The following CASR variants were observed in gnomAD, a reference collection of about 807,000 sequenced individuals.
CASR encodes calcium sensing receptor.
A neutral mutation model predicts 69.1 loss-of-function variants in CASR; 23 were observed. That is an observed-to-expected ratio of 0.33 (90% CI 0.24 to 0.47). CASR has a LOEUF of 0.47. Among genes scored for constraint, CASR ranks in the 20% least tolerant of loss-of-function variants. CASR has a pLI of 1.00. For missense variants in CASR, 924 were observed against 1,356.1 expected (o/e 0.68, Z 5.00); for synonymous variants, 541 against 544.7 (o/e 0.99, Z 0.10).
Position 122,257,205 on chromosome 3 carries a change from G to A in CASR, c.310G>A (p.Val104Ile), listed in dbSNP as rs2074564250. ...GYRIFDTCNT[V>I]SKALEATLSF... The stretch of plus-strand genomic sequence containing the variant: ...CAGGATATTTGACACTTGCAACACC[G>A]TTTCTAAGGCCTTGGAAGCCACCCT... The change falls in exon 3 of 7, where the codon GTT becomes ATT. Residue 104 changes from valine (V) to isoleucine (I), a missense_variant. Val to Ile is a conservative substitution (Grantham distance 29, BLOSUM62 3). Coordinates refer to ENST00000639785, the MANE Select transcript of CASR (RefSeq NM_000388.4). 5 of 1,614,148 alleles carry A rather than the reference G, an allele frequency of 3.1e-6. No homozygotes were observed. The South Asian group carries it at 3.3e-5, about 11-fold the overall frequency.
rs1464591113 is a variant in CASR at position 122,262,024 on chromosome 3, T to G, written c.989T>G (p.Phe330Cys). ...FALKAGQIPG[F>C]REFLKKVHPR... is the part of the protein sequence containing the mutation. Reference sequence around the variant, plus strand: ...CTGAAGGCTGGGCAGATCCCAGGCTTCCGGGAATTCCTGAAGAAGGTCCAT... The same window carrying G: ...CTGAAGGCTGGGCAGATCCCAGGCTGCCGGGAATTCCTGAAGAAGGTCCAT... Residue 330 changes from phenylalanine to cysteine, a missense_variant, in exon 4 of 7, where the codon TTC becomes TGC. This residue lies in a region of CASR where 310 missense variants were observed against 395.7 expected (regional missense o/e 0.78). Coordinates refer to ENST00000639785, the MANE Select transcript of CASR (RefSeq NM_000388.4). The G allele has an allele frequency of 6.2e-7, 1 of 1,614,038 alleles. No individual in the cohort carries two copies. Among genetic ancestry groups the G allele is most frequent in the African/African-American group, 1.3e-5 (1 of 74,906 alleles).
intron 1 of CASR, among the ~76,000 whole-genome samples, chr3:122,214,655 C>T (rs1026181943): frequency 5.9e-5 from 9 of 152,178 alleles, no homozygotes; most frequent in Non-Finnish European, 1.2e-4. Flanking sequence ...TCATTTTGTA[C>T]ATAAACTGTA....
At chr3:122,282,816 C>A (rs1022380220) in intron 6 of CASR, among the ~76,000 whole-genome samples, 1 of 152,050 alleles carries the variant, frequency 6.6e-6, no homozygotes, top group Non-Finnish European at 1.5e-5. Context: ...TTATCCTCAC[C>A]CCAGTGATGG....
intron 2 of CASR, among the ~76,000 whole-genome samples, chr3:122,254,723 A>G (rs1048151520): frequency 1.3e-5 from 2 of 152,210 alleles, no homozygotes; most frequent in Non-Finnish European, 2.9e-5. Flanking sequence ...AAACCTGAGT[A>G]GTAAAATCCC....
At chr3:122,255,036 A>C (rs1270387835) in intron 2 of CASR, among the ~76,000 whole-genome samples, 5 of 150,246 alleles carry the variant, frequency 3.3e-5, no homozygotes, top group African/African-American at 9.8e-5. Flanking sequence ...GAAGAGAGCT[A>C]ATATGTCTCA....
chr3:122,262,048 A>C lies in CASR; in HGVS notation c.1013A>C (p.His338Pro). The C allele has an allele frequency of 6.2e-7, 1 of 1,614,198 alleles. No homozygotes were observed. Among genetic ancestry groups the C allele is most frequent in the Non-Finnish European group, 8.5e-7 (1 of 1,180,036 alleles). The change falls in exon 4 of 7, where the codon CAT becomes CCT. Residue 338 changes from histidine (H) to proline (P), a missense_variant. By Grantham distance (77) the His-to-Pro change is moderately conservative (BLOSUM62 -2). Around this residue, in one of 8 missense-constraint regions of CASR, gnomAD observed 310 missense variants for 395.7 expected, o/e 0.78. Coordinates refer to ENST00000639785, the MANE Select transcript of CASR (RefSeq NM_000388.4). ...PGFREFLKKV[H>P]PRKSVHNGFA... ...TTCCGGGAATTCCTGAAGAAGGTCCATCCCAGGAAGTCTGTCCACAATGGT... is the reference window on the plus strand; with the variant it reads ...TTCCGGGAATTCCTGAAGAAGGTCCCTCCCAGGAAGTCTGTCCACAATGGT...
At chr3:122,227,658 A>C (rs1280308874) in intron 1 of CASR, among the ~76,000 whole-genome samples, 2 of 152,304 alleles carry the variant, frequency 1.3e-5, no homozygotes, top group East Asian at 3.9e-4. Context: ...CTCCTCAAGC[A>C]CGGCCACAGT....
intron 1 of CASR, among the ~76,000 whole-genome samples, chr3:122,191,068 C>T (rs1239296090): frequency 6.6e-6 from 1 of 152,186 alleles, no homozygotes; most frequent in Non-Finnish European, 1.5e-5. Context: ...AAAATGAACA[C>T]ACATAGCTTA....
chr3:122,219,666 T>G (rs2074151830), intron 1 of CASR, among the ~76,000 whole-genome samples: 1 of 152,222 alleles, frequency 6.6e-6, no homozygotes, highest in African/African-American at 2.4e-5. Context: ...CACTGGAGGT[T>G]AAAGTGGCAA....
At chr3:122,231,758 C>T (rs993506940) in intron 1 of CASR, among the ~76,000 whole-genome samples, 1 of 147,208 alleles carries the variant, frequency 6.8e-6, no homozygotes, top group African/African-American at 2.5e-5. Flanking sequence ...CTCCCACTCA[C>T]AAAAAAAAAA....
At chr3:122,244,654 C>A (rs1364061632) in intron 1 of CASR, among the ~76,000 whole-genome samples, 1 of 152,028 alleles carries the variant, frequency 6.6e-6, no homozygotes, top group Non-Finnish European at 1.5e-5. Flanking sequence ...AGTTCTGGTT[C>A]TGTTTTTTGA....
At chr3:122,270,908 T>C (rs1415270950) in intron 4 of CASR, among the ~76,000 whole-genome samples, 1 of 152,230 alleles carries the variant, frequency 6.6e-6, no homozygotes, top group African/African-American at 2.4e-5. Flanking sequence ...TGCTTTATAA[T>C]CCAGAATATG....
intron 5 of CASR, among the ~76,000 whole-genome samples, chr3:122,280,957 T>C (rs1396231059): frequency 6.6e-6 from 1 of 152,256 alleles, no homozygotes; most frequent in East Asian, 1.9e-4. Flanking sequence ...TTCATTCTTA[T>C]GATACATTTC....
At position 122,220,269 on chromosome 3, in the gene CASR, A is replaced by G. The variant is rs2074157628; in HGVS notation, c.-242-33679A>G. On this transcript the variant is annotated intron_variant, in intron 1 of 6. Transcript: ENST00000639785. ...AAACTTGTTTGTGTCTGACCACTTC[A>G]TCCTGCTCTTCCTCCAGTCTCAATC... Among the ~76,000 whole-genome samples, 3 of 152,258 alleles carry G rather than the reference A, an allele frequency of 2.0e-5. No individual in the cohort carries two copies. The South Asian group carries it at 6.2e-4, about 32-fold the overall frequency.
chr3:122,220,254 G>A (rs1197538640), intron 1 of CASR, among the ~76,000 whole-genome samples: 2 of 152,226 alleles, frequency 1.3e-5, no homozygotes, highest in African/African-American at 4.8e-5. Flanking sequence ...AAACTTGTTT[G>A]TGTCTGACCA....
At chr3:122,199,829 G>A (rs1331954624) in intron 1 of CASR, among the ~76,000 whole-genome samples, 3 of 91,528 alleles carry the variant, frequency 3.3e-5, no homozygotes, top group South Asian at 2.9e-4. Context: ...GGACTATACC[G>A]TGACTATAAC....
Position 122,290,870 on chromosome 3 carries a change from C to A in CASR, c.*5679C>A. On this transcript the variant is annotated 3_prime_UTR_variant, in exon 7 of 7. Transcript: ENST00000639785. ...CATTAGGTATATCTCCTAATGCTAT[C>A]CCTCCCCCCTCCCCCCACCCCACAA... 1 of 104,504 alleles carries A rather than the reference C, an allele frequency of 9.6e-6. No homozygotes were observed. 6.5% of individuals were successfully genotyped at this position (104,504 alleles called of 1,614,324 possible).
Position 122,210,114 on chromosome 3 carries a change from A to T in CASR, c.-243+26302A>T, listed in dbSNP as rs1216691639. 5.9e-5 allele frequency among the ~76,000 whole-genome samples: 9 copies of T among 152,366 alleles called. No individual in the cohort carries two copies. In the East Asian group the frequency reaches 1.7e-3, roughly 29 times the overall value. On this transcript the variant is annotated intron_variant, in intron 1 of 6. Coordinates refer to ENST00000639785, the MANE Select transcript of CASR (RefSeq NM_000388.4). ...AAAAGAATAAGAGCTATTTATGGCA[A>T]ACCCACAGCCAATATCATACTGAAT...
In CASR at chr3:122,252,328, AAGAG is replaced by A. The variant is rs1309523708; in HGVS notation, c.-242-1614_-242-1611del. ...AAAGAGAAAAAGGAAGAGAGAAAGA[AAGAG>A]AGAGAAAGAAAGAAGAAAGAAAGAA... On this transcript the variant is annotated intron_variant, in intron 1 of 6. Coordinates refer to ENST00000639785, the MANE Select transcript of CASR (RefSeq NM_000388.4). Among the ~76,000 whole-genome samples, 9 of 128,646 alleles carry A rather than the reference AAGAG, an allele frequency of 7.0e-5. No individual in the cohort carries two copies. The South Asian group carries it at 1.1e-3, about 15-fold the overall frequency. 84.4% of individuals were successfully genotyped at this position (128,646 alleles called of 152,430 possible).
Sources: gnomAD v4.1 joint callset for allele counts (sites outside exome capture counted in the v4.1 genomes callset) on GRCh38, gnomAD v4.1.1 for gene constraint, gnomAD v4.1.1 regional missense constraint, MANE v1.5 for transcripts, NCBI Gene and HGNC (gene_info 2026-07-23, HGNC 2026-07-21) for gene names.